Variants in GPR158 observed in about 807,000 individuals in gnomAD.
GPR158 encodes the protein metabotropic glycine receptor.
GPR158 carries 30 observed loss-of-function variants against 78.2 expected under a neutral mutation model. The observed-to-expected ratio is 0.38, with a 90% CI of 0.29 to 0.52. GPR158 has a LOEUF of 0.52. GPR158 is among the 20% of genes least tolerant of loss of function. The probability of loss-of-function intolerance (pLI) is 0.83; values close to 1 mark genes in which losing one functional copy is unlikely to be tolerated. For missense variants in GPR158, 1,463 were observed against 1,523.5 expected, an observed-to-expected ratio of 0.96 and a Z score of 0.66; for synonymous variants, 581 against 591.1, an observed-to-expected ratio of 0.98 and a Z score of 0.25.
chr10:25,433,698 T>TC (rs1834955494), intron 4 of GPR158, among the ~76,000 whole-genome samples: 1 of 142,920 alleles, frequency 7.0e-6, no homozygotes, highest in African/African-American at 2.5e-5. Context: ...TTCTTTCTTT[T>TC]TTTTTTTTTT....
rs566761532 is a variant in GPR158, at chr10:25,409,019, C to T, written c.1112-3231C>T. ...ATGAGTAAGGTTGACAATGGAGACA[C>T]GTTTTCCCCTTTATCTCCATGATTG... is the stretch of plus-strand genomic sequence containing the variant. On this transcript the variant is annotated intron_variant, in intron 3 of 10. Coordinates refer to ENST00000376351, the MANE Select transcript of GPR158 (RefSeq NM_020752.3). Among the ~76,000 whole-genome samples, 251 of 152,284 alleles carry T rather than the reference C, an allele frequency of 1.6e-3. 1 individual carries two copies. Among genetic ancestry groups the T allele is most frequent in the Non-Finnish European group, 2.6e-3 (176 of 68,016 alleles).
chr10:25,527,782 G>T (rs927287852), intron 5 of GPR158, among the ~76,000 whole-genome samples: 3 of 151,916 alleles, frequency 2.0e-5, no homozygotes, highest in Non-Finnish European at 4.4e-5. Context: ...TTATAAAGTT[G>T]ATAAACCTCT....
chr10:25,261,369 C>G (rs1190035421), intron 2 of GPR158, among the ~76,000 whole-genome samples: 1 of 152,132 alleles, frequency 6.6e-6, no homozygotes, highest in Admixed American at 6.6e-5. Flanking sequence ...CTTCTTCAAA[C>G]CAATATACTT....
chr10:25,370,474 G>A (rs1271261369), intron 2 of GPR158, among the ~76,000 whole-genome samples: 3 of 100,790 alleles, frequency 3.0e-5, no homozygotes, highest in Admixed American at 2.7e-4. Context: ...GTAGTTGAGT[G>A]GTTTTGAGTG....
chr10:25,493,438 T>G (rs1835837706), intron 5 of GPR158, among the ~76,000 whole-genome samples: 1 of 152,178 alleles, frequency 6.6e-6, no homozygotes, highest in African/African-American at 2.4e-5. Flanking sequence ...GAAAGAGTTC[T>G]TTTTTAAAGC....
Position 25,440,824 on chromosome 10 carries a change from T to C in GPR158, c.1336-25827T>C, listed in dbSNP as rs528557500. ...GTTTTATAATACTGCTGAGGGCTCT[T>C]AAGGGGTATATGTTATTTTCTCTTT... On this transcript the variant is annotated intron_variant, in intron 4 of 10. Transcript: ENST00000376351. Among the ~76,000 whole-genome samples the C allele has an allele frequency of 3.9e-5, 6 of 152,288 alleles. No individual in the cohort carries two copies. In the South Asian group the frequency reaches 1.0e-3, roughly 26 times the overall value.
At chr10:25,467,411 T>C (rs1242076535) in intron 5 of GPR158, among the ~76,000 whole-genome samples, 1 of 152,128 alleles carries the variant, frequency 6.6e-6, no homozygotes, top group Non-Finnish European at 1.5e-5. Context: ...GCTATGTTAA[T>C]AGAGACTCTT....
chr10:25,254,282 C>T (rs1026029348), intron 2 of GPR158, among the ~76,000 whole-genome samples: 1 of 151,926 alleles, frequency 6.6e-6, no homozygotes. Flanking sequence ...AGTGTTTTTT[C>T]TTCATGGCAA....
At chr10:25,458,175 C>A (rs1835315996) in intron 4 of GPR158, among the ~76,000 whole-genome samples, 1 of 151,982 alleles carries the variant, frequency 6.6e-6, no homozygotes, top group East Asian at 1.9e-4. Flanking sequence ...ATAAATTATG[C>A]TGTATGAAAA....
In GPR158 at chr10:25,320,711, A is replaced by G. The variant is rs184953969; in HGVS notation, c.1009-75200A>G. 3.8e-3 allele frequency among the ~76,000 whole-genome samples: 581 copies of G among 152,262 alleles called. 4 individuals carry two copies. The highest frequency in any genetic ancestry group is 5.0e-3 in the Non-Finnish European group (340 of 68,026). ...TTTTCCTGCTGATTTCTATTATTGA[A>G]CTGTCATTTTTGTATTATTCCTAGA... On this transcript the variant is annotated intron_variant, in intron 2 of 10. Coordinates refer to ENST00000376351, the MANE Select transcript of GPR158 (RefSeq NM_020752.3).
At chr10:25,573,614 G>A (rs1038527068) in intron 7 of GPR158, among the ~76,000 whole-genome samples, 9 of 152,146 alleles carry the variant, frequency 5.9e-5, no homozygotes, top group South Asian at 4.1e-4. Context: ...TTTAAACTAC[G>A]TCCCTAAACA....
chr10:25,416,286 C>A (rs1222998973), intron 4 of GPR158, among the ~76,000 whole-genome samples: 1 of 152,114 alleles, frequency 6.6e-6, no homozygotes, highest in Admixed American at 6.5e-5. Context: ...AGTAGGTACC[C>A]AAGCTCCATT....
intron 1 of GPR158, among the ~76,000 whole-genome samples, chr10:25,209,970 G>C (rs1853106335): frequency 6.6e-6 from 1 of 152,166 alleles, no homozygotes. Context: ...GGGTGTTTTT[G>C]TGAGCAATGT....
chr10:25,504,235 T>C (rs1835981600), intron 5 of GPR158, among the ~76,000 whole-genome samples: 1 of 152,198 alleles, frequency 6.6e-6, no homozygotes. Context: ...CTCCTTTGCC[T>C]AGCATAGTGC....
chr10:25,194,294 T>G (rs1190043671), intron 1 of GPR158, among the ~76,000 whole-genome samples: 1 of 152,112 alleles, frequency 6.6e-6, no homozygotes, highest in East Asian at 1.9e-4. Flanking sequence ...ATCACAGCAC[T>G]TTGGGAGGCC....
intron 5 of GPR158, among the ~76,000 whole-genome samples, chr10:25,531,765 T>C (rs1035032943): frequency 1.3e-5 from 2 of 152,242 alleles, no homozygotes; most frequent in African/African-American, 4.8e-5. Context: ...TATACCACTT[T>C]AGTTGTCAGT....
intron 2 of GPR158, among the ~76,000 whole-genome samples, chr10:25,337,036 GTAGA>G (rs1433587224): frequency 6.6e-6 from 1 of 152,064 alleles, no homozygotes; most frequent in Non-Finnish European, 1.5e-5. Flanking sequence ...GTAGGATTCT[GTAGA>G]TACTTAACAT....
intron 7 of GPR158, among the ~76,000 whole-genome samples, chr10:25,582,575 A>C (rs1177071458): frequency 6.6e-6 from 1 of 152,166 alleles, no homozygotes; most frequent in Non-Finnish European, 1.5e-5. Context: ...GCTCCTAGGG[A>C]GTGGTAAGAG....
intron 6 of GPR158, among the ~76,000 whole-genome samples, chr10:25,560,045 C>T (rs1836841295): frequency 6.6e-6 from 1 of 152,160 alleles, no homozygotes; most frequent in Non-Finnish European, 1.5e-5. Flanking sequence ...CCAAAAGTTT[C>T]ATTGACAGTG....
Sources: gnomAD v4.1 joint callset for allele counts (sites outside exome capture counted in the v4.1 genomes callset) on GRCh38, gnomAD v4.1.1 for gene constraint, MANE v1.5 for transcripts, NCBI Gene and HGNC (gene_info 2026-07-23, HGNC 2026-07-21) for gene names.